The following WDR72 variants were observed in gnomAD, a reference collection of about 807,000 sequenced individuals.
WDR72 encodes the protein WD repeat domain 72.
In WDR72, 120 loss-of-function variants were observed where a neutral mutation model predicts 124.2. The ratio of observed to expected loss-of-function variants is 0.97; its 90% CI spans 0.83 to 1.12. WDR72 has a LOEUF of 1.12. Ranked by LOEUF, WDR72 falls within the 50% of genes most tolerant of loss-of-function variation. WDR72 has a pLI of 0.00. For synonymous variants in WDR72, 452 were observed against 441.7 expected (o/e 1.02, Z -0.29); for missense variants, 1,387 against 1,278.8 (o/e 1.08, Z -1.29).
intron 18 of WDR72, among the ~76,000 whole-genome samples, chr15:53,550,711 C>T (rs1893693593): frequency 6.6e-6 from 1 of 152,092 alleles, no homozygotes; most frequent in South Asian, 2.1e-4. Context: ...GATAAATAGG[C>T]CTTCACTTTA....
intron 18 of WDR72, 87 bp from the exon 19 acceptor site, chr15:53,523,409 G>T: frequency 1.6e-6 from 2 of 1,254,186 alleles, no homozygotes; most frequent in Non-Finnish European, 2.3e-6. Flanking sequence ...TTTCCTTTCA[G>T]TTCCACAGAT....
chr15:53,576,392 T>A (rs2140311984), intron 18 of WDR72, among the ~76,000 whole-genome samples: 1 of 152,154 alleles, frequency 6.6e-6, no homozygotes, highest in East Asian at 1.9e-4. Flanking sequence ...AAAAGAGAAG[T>A]AAGGTATAGA....
rs1160372344 is a variant in WDR72, at chr15:53,518,150, TGC to T, written c.3254-398_3254-397del. 2.3e-4 allele frequency among the ~76,000 whole-genome samples: 35 copies of T among 152,174 alleles called. No homozygotes were observed. In the East Asian group the frequency reaches 6.8e-3, roughly 30 times the overall value. ...AATTGTTCTTAGAAAAATCCACAACTGCAGTTTTAGGGTCAAAATTTATTAGT... is the reference window on the plus strand; with the variant it reads ...AATTGTTCTTAGAAAAATCCACAACTAGTTTTAGGGTCAAAATTTATTAGT... On this transcript the variant is annotated intron_variant, in intron 19 of 19. Transcript: ENST00000360509.
At chr15:53,730,495 G>T (rs745971348) in intron 2 of WDR72, among the ~76,000 whole-genome samples, 5 of 152,136 alleles carry the variant, frequency 3.3e-5, no homozygotes, top group Middle Eastern at 3.2e-3. Flanking sequence ...ATTTTGCATG[G>T]TGGCAAGCGA....
chr15:53,592,302 T>C (rs1260440295), intron 18 of WDR72, among the ~76,000 whole-genome samples: 1 of 152,006 alleles, frequency 6.6e-6, no homozygotes, highest in Non-Finnish European at 1.5e-5. Context: ...CTGGAGATCT[T>C]AGAGTAAATG....
intron 18 of WDR72, among the ~76,000 whole-genome samples, chr15:53,530,873 G>T (rs886169478): frequency 2.6e-5 from 4 of 152,070 alleles, no homozygotes; most frequent in Admixed American, 6.6e-5. Context: ...ACTGGAATTT[G>T]TAAGAGCAGC....
chr15:53,600,440 A>G (rs2012993849), intron 17 of WDR72, among the ~76,000 whole-genome samples: 1 of 152,184 alleles, frequency 6.6e-6, no homozygotes, highest in Admixed American at 6.6e-5. Flanking sequence ...GATATCAAAG[A>G]ATCATATTCT....
intron 18 of WDR72, among the ~76,000 whole-genome samples, chr15:53,571,568 G>A (rs150549883): frequency 2.6e-5 from 4 of 152,086 alleles, no homozygotes; most frequent in East Asian, 3.9e-4. Context: ...TTTAAAGGCC[G>A]AACAGTATTT....
intron 13 of WDR72, among the ~76,000 whole-genome samples, chr15:53,684,780 A>T (rs1008450146): frequency 3.3e-5 from 5 of 151,988 alleles, no homozygotes; most frequent in African/African-American, 9.7e-5. Context: ...CAAAAAAGAC[A>T]GCAGTAACCT....
intron 18 of WDR72, chr15:53,540,842 G>C (rs115625843): frequency 1.3e-5 from 2 of 154,528 alleles, no homozygotes; most frequent in Non-Finnish European, 2.9e-5. Context: ...GAAGCCCAAC[G>C]GTCAGGGAGT....
At chr15:53,616,265 G>C in intron 14 of WDR72, 22 bp from the exon 15 acceptor site, 4 of 1,569,952 alleles carry the variant, frequency 2.5e-6, no homozygotes, top group Non-Finnish European at 3.5e-6. Context: ...AAAAATATTT[G>C]TGTCAAAGTT....
chr15:53,569,729 T>C (rs1894438429), intron 18 of WDR72, among the ~76,000 whole-genome samples: 1 of 152,106 alleles, frequency 6.6e-6, no homozygotes, highest in Admixed American at 6.6e-5. Flanking sequence ...TGAGGTTTGC[T>C]GTCATGAGAG....
At chr15:53,690,186 T>G (rs912334837) in intron 13 of WDR72, among the ~76,000 whole-genome samples, 1 of 151,798 alleles carries the variant, frequency 6.6e-6, no homozygotes, top group Admixed American at 6.6e-5. Flanking sequence ...CTGCACAATG[T>G]GCACATGTAC....
intron 17 of WDR72, among the ~76,000 whole-genome samples, chr15:53,598,529 G>A (rs1180688253): frequency 6.6e-6 from 1 of 152,022 alleles, no homozygotes; most frequent in Non-Finnish European, 1.5e-5. Flanking sequence ...GAGACCTTCA[G>A]GTCCCAGGGA....
chr15:53,661,936 A>G (rs550190789), intron 14 of WDR72, among the ~76,000 whole-genome samples: 1 of 152,288 alleles, frequency 6.6e-6, no homozygotes, highest in East Asian at 1.9e-4. Flanking sequence ...AATGGGCCCC[A>G]AATAATAATC....
intron 18 of WDR72, among the ~76,000 whole-genome samples, chr15:53,596,013 C>T (rs934209240): frequency 1.3e-5 from 2 of 152,078 alleles, no homozygotes; most frequent in African/African-American, 2.4e-5. Context: ...CTACATAACA[C>T]TCTCCAATCA....
intron 14 of WDR72, among the ~76,000 whole-genome samples, chr15:53,624,624 A>T (rs1424892394): frequency 6.6e-6 from 1 of 152,264 alleles, no homozygotes; most frequent in Non-Finnish European, 1.5e-5. Context: ...TCAAAGAAGC[A>T]ACTGAATATT....
At chr15:53,657,263 C>CAAAAAAAAAAAAAAAA (rs10549551) in intron 14 of WDR72, among the ~76,000 whole-genome samples, 1 of 56,400 alleles carries the variant, frequency 1.8e-5, no homozygotes, top group Non-Finnish European at 2.9e-5. Context: ...GACTCCATCT[C>CAAAAAAAAAAAAAAAA]AAAAAAAAAA....
chr15:53,718,455 G>A (rs1240632053), intron 3 of WDR72, among the ~76,000 whole-genome samples: 1 of 151,862 alleles, frequency 6.6e-6, no homozygotes, highest in Non-Finnish European at 1.5e-5. Context: ...TTCCCTATTT[G>A]TTTGCTTATC....
Sources: gnomAD v4.1 joint callset for allele counts (sites outside exome capture counted in the v4.1 genomes callset) on GRCh38, gnomAD v4.1.1 for gene constraint, MANE v1.5 for transcripts, NCBI Gene and HGNC (gene_info 2026-07-23, HGNC 2026-07-21) for gene names.